CD34: variants seen among roughly 807,000 people sequenced by gnomAD.
The protein encoded by CD34 is CD34 molecule, also known as hematopoietic progenitor cell antigen CD34.
Under a neutral mutation model 40.1 loss-of-function variants are expected in CD34, and 34 were observed. The observed-to-expected ratio is 0.85, with a 90% CI of 0.65 to 1.13. The LOEUF (loss-of-function observed/expected upper bound fraction) is 1.13, where lower values mean the gene tolerates loss of function less well. Among genes scored for constraint, CD34 ranks in the 50% most tolerant of loss-of-function variants. CD34 has a pLI of 0.00. For synonymous variants in CD34, 209 were observed against 190.0 expected (o/e 1.10, Z -0.82); for missense variants, 426 against 466.9 (o/e 0.91, Z 0.81).
intron 4 of CD34, among the ~76,000 whole-genome samples, chr1:207,895,972 G>A (rs968507244): frequency 1.3e-5 from 2 of 152,122 alleles, no homozygotes; most frequent in African/African-American, 4.8e-5. Context: ...ATTCTACTAT[G>A]CAAACTCATG....
At chr1:207,891,709 C>G (rs550387183) in intron 4 of CD34, among the ~76,000 whole-genome samples, 1 of 151,302 alleles carries the variant, frequency 6.6e-6, no homozygotes, top group African/African-American at 2.4e-5. Flanking sequence ...TATCCAGGCA[C>G]AGTTCTGAGT....
chr1:207,898,031 T>A (rs924087926), intron 3 of CD34, among the ~76,000 whole-genome samples: 1 of 143,378 alleles, frequency 7.0e-6, no homozygotes, highest in African/African-American at 2.7e-5. Context: ...ATTTTGGCTC[T>A]TTTATTTATT....
At chr1:207,896,025 C>A (rs1158334252) in intron 4 of CD34, among the ~76,000 whole-genome samples, 5 of 152,154 alleles carry the variant, frequency 3.3e-5, no homozygotes, top group African/African-American at 1.2e-4. Context: ...AAGTTAAATT[C>A]TTTCAGGTAT....
intron 1 of CD34, among the ~76,000 whole-genome samples, chr1:207,907,157 G>C (rs937814192): frequency 2.0e-5 from 3 of 152,154 alleles, no homozygotes; most frequent in African/African-American, 7.2e-5. Flanking sequence ...GGCATGGAAC[G>C]AGATTACAGG....
chr1:207,888,606 G>T, intron 7 of CD34, 76 bp downstream of exon 7: 1 of 1,416,726 alleles, frequency 7.1e-7, no homozygotes, highest in African/African-American at 1.4e-5. Flanking sequence ...TTCTCCTCCT[G>T]CTCCATGACA....
rs186079714 is a variant in CD34, at chr1:207,900,058, T to A, written c.80-55A>T. ...ACCTAAAGATATCAGCCTGGTGATA[T>A]CACCTGATGCAATTTCCTGACTTCA... is the stretch of plus-strand genomic sequence containing the variant. On this transcript the variant is annotated intron_variant, in intron 1 of 7. Coordinates refer to ENST00000310833, the MANE Select transcript of CD34 (RefSeq NM_001025109.2). 796 of 1,365,110 alleles carry A rather than the reference T, an allele frequency of 5.8e-4. 7 individuals are homozygous for A. The African/African-American group carries it at 0.01, about 18-fold the overall frequency. The allele number at this position is 1,365,110 out of a possible 1,614,324, so 84.6% of individuals were successfully genotyped here. A position where few individuals can be genotyped will look rare whatever the true frequency, so the allele number is the denominator to read the frequency against.
rs754309424 is a variant in CD34, at chr1:207,911,093, G to T, written c.-13C>A. On this transcript the variant is annotated 5_prime_UTR_variant, in exon 1 of 8. Transcript: ENST00000310833. ...TGCGGACCAGCATCCTTCCCGCGCGGCTCCTAGAGAGACGCACCGAGTGGA... is the reference window on the plus strand; with the variant it reads ...TGCGGACCAGCATCCTTCCCGCGCGTCTCCTAGAGAGACGCACCGAGTGGA... 7.7e-6 allele frequency: 12 copies of T among 1,566,382 alleles called. No homozygotes were observed. The highest frequency in any genetic ancestry group is 1.7e-6 in the Non-Finnish European group (2 of 1,159,618).
intron 7 of CD34, among the ~76,000 whole-genome samples, chr1:207,888,356 C>T (rs113153996): frequency 0.011 from 1,676 of 152,306 alleles, 14 homozygotes; most frequent in Admixed American, 0.016. Context: ...GCATTTAACA[C>T]GGTTGCAAAT....
chr1:207,899,768 T>C, intron 2 of CD34, 53 bp downstream of exon 2: 1 of 1,495,624 alleles, frequency 6.7e-7, no homozygotes, highest in Non-Finnish European at 9.1e-7. Context: ...CTAAATGCTT[T>C]ACCCAAGCAT....
At position 207,897,485 on chromosome 1, in the gene CD34, T is replaced by G; in HGVS notation, c.597+8A>C. The G allele has an allele frequency of 6.4e-7, 1 of 1,552,722 alleles. No homozygotes were observed. Among genetic ancestry groups the G allele is most frequent in the Non-Finnish European group, 8.7e-7 (1 of 1,145,658 alleles). On this transcript the variant is annotated splice_region_variant and intron_variant, in intron 4 of 7. Coordinates refer to ENST00000310833, the MANE Select transcript of CD34 (RefSeq NM_001025109.2). ...GGGAGGAAGAGGTTGGGTGGGGGGTTGACTTACACAGCTGGAGGTCTTATT... is the reference window on the plus strand; with the variant it reads ...GGGAGGAAGAGGTTGGGTGGGGGGTGGACTTACACAGCTGGAGGTCTTATT...
At position 207,899,780 on chromosome 1, in the gene CD34, A is replaced by G. The variant is rs1388437296; in HGVS notation, c.262+41T>C. The G allele has an allele frequency of 3.8e-6, 6 of 1,560,320 alleles. No homozygotes were observed. The Admixed American group carries it at 1.1e-4, about 28-fold the overall frequency. On this transcript the variant is annotated intron_variant, in intron 2 of 7. Transcript: ENST00000310833. The stretch of plus-strand genomic sequence containing the variant: ...ATCCTAAATGCTTTACCCAAGCATC[A>G]CCAGCATCTCTCCGGGATCTGACAC...
chr1:207,888,701 C>G lies in CD34; in HGVS notation c.953G>C (p.Ser318Thr), dbSNP rs139572217. The G allele has an allele frequency of 4.6e-4, 745 of 1,614,198 alleles. 1 individual carries two copies. The highest frequency in any genetic ancestry group is 2.0e-3 in the Middle Eastern group (12 of 6,042). The change falls in exon 7 of 8, where the codon AGC (serine) becomes ACC (threonine). Residue 318 changes from serine to threonine, a missense_variant. Coordinates refer to ENST00000310833, the MANE Select transcript of CD34 (RefSeq NM_001025109.2). Reference sequence around the variant, plus strand: ...ACTGACCAGCCTTTCTCCTGTGGGGCTCCAGCTGCGGCGATTCATCAGGAA... The same window carrying G: ...ACTGACCAGCCTTTCTCCTGTGGGGGTCCAGCTGCGGCGATTCATCAGGAA... The part of the protein sequence containing the change: ...GYFLMNRRSW[S>T]PTGERLGEDP...
chr1:207,910,901 C>T, intron 1 of CD34, 101 bp downstream of exon 1: 8 of 1,220,440 alleles, frequency 6.6e-6, no homozygotes, highest in East Asian at 5.2e-5. Flanking sequence ...GGCAGGGGTC[C>T]CTTCCCTCCG....
chr1:207,908,427 G>A (rs544983513), intron 1 of CD34, among the ~76,000 whole-genome samples: 10 of 152,262 alleles, frequency 6.6e-5, no homozygotes, highest in Non-Finnish European at 1.3e-4. Flanking sequence ...TCGCCATATG[G>A]CAGAGATTCA....
intron 1 of CD34, among the ~76,000 whole-genome samples, chr1:207,902,608 C>G (rs1662294466): frequency 6.6e-6 from 1 of 152,192 alleles, no homozygotes; most frequent in African/African-American, 2.4e-5. Flanking sequence ...CTCTTCGCCC[C>G]CAGCATACTG....
chr1:207,888,150 C>T (rs1248534206), intron 7 of CD34: 3 of 1,612,958 alleles, frequency 1.9e-6, no homozygotes, highest in African/African-American at 2.7e-5. Flanking sequence ...AGAGGCACCA[C>T]ACCATGCCAC....
At position 207,908,428 on chromosome 1, in the gene CD34, C is replaced by T. The variant is rs115191103; in HGVS notation, c.79+2574G>A. On this transcript the variant is annotated intron_variant, in intron 1 of 7. Coordinates refer to ENST00000310833, the MANE Select transcript of CD34 (RefSeq NM_001025109.2). ...CTGCTCCTCCTCTGTCGCCATATGG[C>T]AGAGATTCAAAGGGTGGAGTCCTCT... Among the ~76,000 whole-genome samples, 1,335 of 152,356 alleles carry T rather than the reference C, an allele frequency of 8.8e-3. 22 individuals are homozygous for T. The highest frequency in any genetic ancestry group is 0.031 in the African/African-American group (1,291 of 41,582).
intron 4 of CD34, among the ~76,000 whole-genome samples, chr1:207,892,299 T>C (rs1662053706): frequency 6.6e-6 from 1 of 152,134 alleles, no homozygotes. Flanking sequence ...AGTGTCCAGT[T>C]GGGTGCAGTG....
In CD34 at chr1:207,888,816, C is replaced by T. The variant is rs1226976194; in HGVS notation, c.838G>A (p.Val280Ile). The T allele has an allele frequency of 6.2e-7, 1 of 1,614,076 alleles. No individual in the cohort carries two copies. Among genetic ancestry groups the T allele is most frequent in the Admixed American group, 1.7e-5 (1 of 59,994 alleles). The change falls in exon 7 of 8, where the codon GTT becomes ATT. Residue 280 changes from valine (V) to isoleucine (I), a missense_variant. Physicochemically the swap from Val to Ile is conservative, Grantham distance 29. Transcript: ENST00000310833. Reference protein sequence around the residue: ...LGILDFTEQDVASHQSYSQKT... With the variant: ...LGILDFTEQDIASHQSYSQKT... Reference sequence around the variant, plus strand: ...TGGGAATAGCTCTGGTGGCTTGCAACATCTTGCTCAGTGAAATCTAGGATC... The same window carrying T: ...TGGGAATAGCTCTGGTGGCTTGCAATATCTTGCTCAGTGAAATCTAGGATC...
Sources: gnomAD v4.1 joint callset for allele counts (sites outside exome capture counted in the v4.1 genomes callset) on GRCh38, gnomAD v4.1.1 for gene constraint, MANE v1.5 for transcripts, NCBI Gene and HGNC (gene_info 2026-07-23, HGNC 2026-07-21) for gene names.